CCSER1: variants seen among roughly 807,000 people sequenced by gnomAD.
CCSER1 encodes the protein coiled-coil serine rich protein 1.
In CCSER1, 41 loss-of-function variants were observed where a neutral mutation model predicts 82.0. That is an observed-to-expected ratio of 0.50 (90% CI 0.39 to 0.65). The LOEUF is 0.65. Among genes scored for constraint, CCSER1 ranks in the 30% least tolerant of loss-of-function variants. The pLI is 0.00. For missense variants in CCSER1, 1,119 were observed against 1,064.2 expected (o/e 1.05, Z -0.72); for synonymous variants, 414 against 383.9 (o/e 1.08, Z -0.92).
intron 7 of CCSER1, among the ~76,000 whole-genome samples, chr4:90,783,727 C>G (rs1754110744): frequency 6.6e-6 from 1 of 152,182 alleles, no homozygotes; most frequent in African/African-American, 2.4e-5. Flanking sequence ...TTCCAGGCCT[C>G]TCTAACCTTT....
At chr4:91,104,363 G>A (rs1012250964) in intron 10 of CCSER1, among the ~76,000 whole-genome samples, 1 of 152,114 alleles carries the variant, frequency 6.6e-6, no homozygotes. Flanking sequence ...AAACTTGCTG[G>A]TTTTGAGGCT....
At chr4:91,355,778 A>G (rs904470545) in intron 10 of CCSER1, among the ~76,000 whole-genome samples, 1 of 152,152 alleles carries the variant, frequency 6.6e-6, no homozygotes, top group Non-Finnish European at 1.5e-5. Flanking sequence ...AGCTGCTCCC[A>G]TCCACGTACA....
intron 8 of CCSER1, among the ~76,000 whole-genome samples, chr4:90,898,269 CTTTTTTTTTTTTTTTT>C (rs70963094): frequency 0.13 from 7,098 of 52,746 alleles, 681 homozygotes; most frequent in East Asian, 0.38. Flanking sequence ...TTTAATCCAT[CTTTTTTTTTTTTTTTT>C]TTTTTTTTTT....
At chr4:90,247,383 C>T (rs1383090721) in intron 1 of CCSER1, among the ~76,000 whole-genome samples, 1 of 151,872 alleles carries the variant, frequency 6.6e-6, no homozygotes, top group Non-Finnish European at 1.5e-5. Flanking sequence ...AATAATAATT[C>T]ACAACAATAT....
At chr4:90,183,958 T>A (rs1469605363) in intron 1 of CCSER1, among the ~76,000 whole-genome samples, 1 of 152,152 alleles carries the variant, frequency 6.6e-6, no homozygotes, top group Non-Finnish European at 1.5e-5. Context: ...GTATGTTGCT[T>A]GTGCCCCCCT....
At chr4:90,343,288 T>C (rs1741747746) in intron 3 of CCSER1, among the ~76,000 whole-genome samples, 1 of 152,212 alleles carries the variant, frequency 6.6e-6, no homozygotes, top group Non-Finnish European at 1.5e-5. Context: ...CCTTCCATTC[T>C]CACTGTCATT....
chr4:91,349,202 C>T (rs1266928334), intron 10 of CCSER1, among the ~76,000 whole-genome samples: 1 of 149,570 alleles, frequency 6.7e-6, no homozygotes, highest in Non-Finnish European at 1.5e-5. Context: ...ACACGGCGCC[C>T]GGCCAATTTT....
intron 10 of CCSER1, among the ~76,000 whole-genome samples, chr4:91,144,730 T>G (rs959149576): frequency 2.0e-5 from 3 of 151,998 alleles, no homozygotes; most frequent in Non-Finnish European, 4.4e-5. Flanking sequence ...CAAAGGGCAT[T>G]CAGAAACAAG....
intron 6 of CCSER1, among the ~76,000 whole-genome samples, chr4:90,633,173 T>C (rs1724761403): frequency 6.6e-6 from 1 of 152,048 alleles, no homozygotes; most frequent in Admixed American, 6.5e-5. Flanking sequence ...TAATAAGTGT[T>C]TATTAATAAA....
At chr4:90,807,085 A>G (rs566854528) in intron 7 of CCSER1, among the ~76,000 whole-genome samples, 3 of 152,074 alleles carry the variant, frequency 2.0e-5, no homozygotes, top group East Asian at 1.9e-4. Flanking sequence ...GTCATCATCA[A>G]CCTCCACAGA....
Position 91,353,737 on chromosome 4 carries a change from CGAT to C in CCSER1, c.2218-244832_2218-244830del, listed in dbSNP as rs751922585. Among the ~76,000 whole-genome samples, 20 of 151,838 alleles carry C rather than the reference CGAT, an allele frequency of 1.3e-4. 1 individual carries two copies. The highest frequency in any genetic ancestry group is 2.1e-4 in the Non-Finnish European group (14 of 67,996). ...GAAGCATTTTGGTGAACTAAGGTAGCGATGAAGTTTTTTTATCATTTGGAGAAA... is the reference window on the plus strand; with the variant it reads ...GAAGCATTTTGGTGAACTAAGGTAGCGAAGTTTTTTTATCATTTGGAGAAA... On this transcript the variant is annotated intron_variant, in intron 10 of 10. Coordinates refer to ENST00000509176, the MANE Select transcript of CCSER1 (RefSeq NM_001145065.2).
chr4:90,165,149 A>T (rs553366644), intron 1 of CCSER1, among the ~76,000 whole-genome samples: 16 of 152,136 alleles, frequency 1.1e-4, no homozygotes, highest in African/African-American at 3.6e-4. Context: ...CTTATGCTTC[A>T]TTAGTTGATA....
intron 10 of CCSER1, among the ~76,000 whole-genome samples, chr4:91,343,679 C>T (rs976244820): frequency 1.3e-5 from 2 of 151,988 alleles, no homozygotes; most frequent in Non-Finnish European, 2.9e-5. Context: ...CAAATTTTAG[C>T]GTGGAGATGA....
At chr4:90,822,139 T>A (rs1191446566) in intron 8 of CCSER1, among the ~76,000 whole-genome samples, 1 of 152,208 alleles carries the variant, frequency 6.6e-6, no homozygotes, top group Non-Finnish European at 1.5e-5. Flanking sequence ...ATAATAAATT[T>A]AGTTAGTTCT....
In CCSER1 at chr4:90,942,030, G is replaced by A. The variant is rs13119945; in HGVS notation, c.2172+18583G>A. Among the ~76,000 whole-genome samples, 5 of 151,652 alleles carry A rather than the reference G, an allele frequency of 3.3e-5. No homozygotes were observed. In the South Asian group the frequency reaches 1.0e-3, roughly 32 times the overall value. On this transcript the variant is annotated intron_variant, in intron 9 of 10. Coordinates refer to ENST00000509176, the MANE Select transcript of CCSER1 (RefSeq NM_001145065.2). ...AGTGGTGCGATCTTGACCCTGCAAC[G>A]TCTGCCTCTCGGGCTCAAGCCATCC...
chr4:91,554,108 C>T (rs1045950354), intron 10 of CCSER1, among the ~76,000 whole-genome samples: 2 of 151,548 alleles, frequency 1.3e-5, no homozygotes, highest in African/African-American at 2.4e-5. Context: ...TCTCAAGATA[C>T]GTATTGATTT....
At chr4:90,253,619 C>T (rs577725332) in intron 1 of CCSER1, among the ~76,000 whole-genome samples, 31 of 152,062 alleles carry the variant, frequency 2.0e-4, no homozygotes, top group African/African-American at 7.2e-4. Flanking sequence ...CAAGATTTTC[C>T]TTAGTCTTAT....
chr4:90,597,092 A>G (rs1249748529), intron 5 of CCSER1, among the ~76,000 whole-genome samples: 3 of 152,036 alleles, frequency 2.0e-5, no homozygotes, highest in Non-Finnish European at 4.4e-5. Flanking sequence ...TGTAACGTAT[A>G]TTTCTACAGA....
intron 5 of CCSER1, among the ~76,000 whole-genome samples, chr4:90,579,053 T>G (rs185469160): frequency 7.3e-4 from 49 of 67,148 alleles, no homozygotes; most frequent in African/African-American, 6.9e-3. Context: ...ATAAAATAAA[T>G]AATATCCTAG....
Sources: gnomAD v4.1 joint callset for allele counts (sites outside exome capture counted in the v4.1 genomes callset) on GRCh38, gnomAD v4.1.1 for gene constraint, MANE v1.5 for transcripts, NCBI Gene and HGNC (gene_info 2026-07-23, HGNC 2026-07-21) for gene names.